The following ANAPC5 variants were observed in gnomAD, a reference collection of about 807,000 sequenced individuals.
ANAPC5 encodes anaphase promoting complex subunit 5.
A neutral mutation model predicts 91.3 loss-of-function variants in ANAPC5; 60 were observed. The ratio of observed to expected loss-of-function variants is 0.66; its 90% CI spans 0.53 to 0.81. The LOEUF is 0.81. Ranked by LOEUF, ANAPC5 falls within the 40% of genes least tolerant of loss-of-function variation. ANAPC5 has a pLI of 0.00. For missense variants in ANAPC5, 690 were observed against 931.5 expected (o/e 0.74, Z 3.37); for synonymous variants, 340 against 364.1 (o/e 0.93, Z 0.75).
intron 16 of ANAPC5, among the ~76,000 whole-genome samples, chr12:121,309,100 G>A (rs1281917263): frequency 7.4e-6 from 1 of 135,054 alleles, no homozygotes; most frequent in Non-Finnish European, 1.5e-5. Flanking sequence ...AGTGAGCTGA[G>A]ATCACGCCGC....
At chr12:121,352,107 G>C (rs113276803) in intron 1 of ANAPC5, 27 bp downstream of exon 1, 379 of 1,581,456 alleles carry the variant, frequency 2.4e-4, no homozygotes, top group Non-Finnish European at 3.0e-4. Flanking sequence ...TTTGCTGCAC[G>C]AGCAGGAGCC....
rs761505104 is a variant in ANAPC5 at position 121,309,865 on chromosome 12, T to G, written c.1894-2A>C. The stretch of plus-strand genomic sequence containing the variant: ...CTGTTCTGGGATTCCAAGAATGAGC[T>G]GAAAAAGAAACATCATGGCACTGTA... On this transcript the variant is annotated splice_acceptor_variant, in intron 15 of 16. Coordinates refer to ENST00000261819, the MANE Select transcript of ANAPC5 (RefSeq NM_016237.5). LOFTEE classifies it high-confidence loss of function. 6.2e-7 allele frequency: 1 copy of G among 1,611,940 alleles called. No homozygotes were observed. Among genetic ancestry groups the G allele is most frequent in the Admixed American group, 1.7e-5 (1 of 59,458 alleles).
At chr12:121,318,136 G>T in intron 15 of ANAPC5, 141 bp downstream of exon 15, 1 of 1,046,642 alleles carries the variant, frequency 9.6e-7, no homozygotes, top group Non-Finnish European at 1.3e-6. Flanking sequence ...TCCTTGGAGG[G>T]CTTGCACAGG....
intron 15 of ANAPC5, among the ~76,000 whole-genome samples, chr12:121,314,227 C>T (rs1231689188): frequency 6.6e-6 from 1 of 152,146 alleles, no homozygotes; most frequent in African/African-American, 2.4e-5. Flanking sequence ...TGGCAAAACC[C>T]TGTCTCTACT....
chr12:121,309,202 G>A (rs1481538978), intron 16 of ANAPC5, among the ~76,000 whole-genome samples: 11 of 146,662 alleles, frequency 7.5e-5, no homozygotes, highest in African/African-American at 2.8e-4. Flanking sequence ...TATAATCCCA[G>A]CACTTTGGGA....
At chr12:121,319,032 T>A (rs78031662) in intron 13 of ANAPC5, among the ~76,000 whole-genome samples, 8 of 150,070 alleles carry the variant, frequency 5.3e-5, no homozygotes, top group Admixed American at 2.0e-4. Flanking sequence ...AAAAAAAAAA[T>A]GTTTTTGTTG....
upstream of ANAPC5, among the ~76,000 whole-genome samples, chr12:121,353,369 C>T (rs1227923054): frequency 6.6e-6 from 1 of 152,186 alleles, no homozygotes; most frequent in African/African-American, 2.4e-5. Context: ...GTCTTTATGT[C>T]CCTTGAAAGA....
intron 6 of ANAPC5, among the ~76,000 whole-genome samples, chr12:121,336,015 T>G (rs12819229): frequency 0.05 from 7,588 of 152,312 alleles, 196 homozygotes; most frequent in South Asian, 0.082. Flanking sequence ...ATGAGAATAC[T>G]GGGCCTTACC....
chr12:121,349,080 C>T (rs1385149225), intron 1 of ANAPC5, among the ~76,000 whole-genome samples: 1 of 152,200 alleles, frequency 6.6e-6, no homozygotes, highest in Non-Finnish European at 1.5e-5. Flanking sequence ...GCCTGGACAA[C>T]ATGGTGAAAT....
At position 121,325,506 on chromosome 12, in the gene ANAPC5, T is replaced by A. The variant is rs888160844; in HGVS notation, c.1440+1590A>T. Reference sequence around the variant, plus strand: ...TAAAAATAAATTAAAAATTAAAAATTAAAAAAAAAAAAGAATTGAACCAAG... The same window carrying A: ...TAAAAATAAATTAAAAATTAAAAATAAAAAAAAAAAAAGAATTGAACCAAG... On this transcript the variant is annotated intron_variant, in intron 11 of 16. Transcript: ENST00000261819. 3.2e-4 allele frequency among the ~76,000 whole-genome samples: 20 copies of A among 62,130 alleles called. No homozygotes were observed. The East Asian group carries it at 4.8e-3, about 15-fold the overall frequency. 40.8% of individuals were successfully genotyped at this position (62,130 alleles called of 152,430 possible).
chr12:121,312,356 G>A (rs1292150966), intron 15 of ANAPC5, among the ~76,000 whole-genome samples: 1 of 152,018 alleles, frequency 6.6e-6, no homozygotes, highest in African/African-American at 2.4e-5. Context: ...CTGAGGGCAG[G>A]AGTTCGAGAC....
chr12:121,318,521 C>G lies in ANAPC5; in HGVS notation c.1725G>C (p.Lys575Asn). ...CTTACCTGATCACCATTTCTGTGTT[C>G]TTCAGTTTCTGACAATGAACCAACA... ...QKLLVHCQKL[K>N]NTEMVISVLL... Residue 575 changes from lysine (K) to asparagine (N), a missense_variant, in exon 14 of 17, where the codon AAG (lysine) becomes AAC (asparagine). Coordinates refer to ENST00000261819, the MANE Select transcript of ANAPC5 (RefSeq NM_016237.5). 1 of 1,614,190 alleles carries G rather than the reference C, an allele frequency of 6.2e-7. No homozygotes were observed. The highest frequency in any genetic ancestry group is 8.5e-7 in the Non-Finnish European group (1 of 1,180,034).
intron 7 of ANAPC5, 31 bp downstream of exon 7, chr12:121,335,502 T>C: frequency 6.4e-7 from 1 of 1,554,664 alleles, no homozygotes; most frequent in Non-Finnish European, 8.7e-7. Context: ...GTTCCTTCAA[T>C]TTGCGCAAGG....
intron 8 of ANAPC5, 43 bp from the exon 9 acceptor site, chr12:121,330,715 GGCTGAT>G: frequency 3.3e-6 from 5 of 1,502,954 alleles, no homozygotes; most frequent in Non-Finnish European, 4.6e-6. Context: ...CAGTGGCAAT[GGCTGAT>G]GTTCTAGTGA....
intron 1 of ANAPC5, 110 bp downstream of exon 1, chr12:121,352,024 G>A (rs1555275430): frequency 2.0e-6 from 2 of 985,792 alleles, no homozygotes; most frequent in Non-Finnish European, 2.9e-6. Context: ...GTTCCTCCAG[G>A]CAGGGAGAGT....
intron 1 of ANAPC5, among the ~76,000 whole-genome samples, chr12:121,350,247 G>A (rs1008059307): frequency 9.2e-5 from 14 of 152,078 alleles, no homozygotes; most frequent in Non-Finnish European, 1.6e-4. Context: ...GAATATAAAT[G>A]CAACTCTAGA....
intron 15 of ANAPC5, among the ~76,000 whole-genome samples, chr12:121,315,005 C>T (rs766782437): frequency 6.6e-6 from 1 of 151,720 alleles, no homozygotes; most frequent in Non-Finnish European, 1.5e-5. Flanking sequence ...AAATACAGGG[C>T]ATCTAAGTGG....
chr12:121,319,219 T>G (rs1902502827), intron 13 of ANAPC5, among the ~76,000 whole-genome samples: 1 of 149,026 alleles, frequency 6.7e-6, no homozygotes, highest in African/African-American at 2.6e-5. Flanking sequence ...TTTTCTTCAT[T>G]TTGCTTATCT....
chr12:121,331,566 T>C, intron 7 of ANAPC5, 138 bp from the exon 8 acceptor site: 1 of 590,230 alleles, frequency 1.7e-6, no homozygotes, highest in Non-Finnish European at 3.0e-6. Context: ...GGGCTTATTC[T>C]CTCAGAGGCG....
Sources: allele counts gnomAD v4.1 joint callset (sites outside exome capture counted in the v4.1 genomes callset), GRCh38; gene constraint gnomAD v4.1.1; transcripts MANE v1.5; gene names NCBI Gene and HGNC (gene_info 2026-07-23, HGNC 2026-07-21).